CEP63: variants seen among roughly 807,000 people sequenced by gnomAD.
CEP63 encodes the protein centrosomal protein 63, also known as centrosomal protein of 63 kDa.
A neutral mutation model predicts 89.1 loss-of-function variants in CEP63; 84 were observed. The observed-to-expected ratio is 0.94, with a 90% CI of 0.79 to 1.13. The LOEUF is 1.13. Ranked by LOEUF, CEP63 falls within the 50% of genes most tolerant of loss-of-function variation. The probability of loss-of-function intolerance (pLI) is 0.00; values close to 1 mark genes in which losing one functional copy is unlikely to be tolerated. For missense variants in CEP63, 838 were observed against 813.3 expected, an observed-to-expected ratio of 1.03 and a Z score of -0.37; for synonymous variants, 267 against 272.5, an observed-to-expected ratio of 0.98 and a Z score of 0.20.
chr3:134,507,083 T>C, intron 2 of CEP63, 26 bp from the exon 3 acceptor site: 1 of 1,603,218 alleles, frequency 6.2e-7, no homozygotes, highest in Non-Finnish European at 8.5e-7. Flanking sequence ...TCTTCTGTTT[T>C]TTTAATGATC....
the CEP63 span, among the ~76,000 whole-genome samples, chr3:134,768,786 A>G: frequency 0.013 from 1,999 of 152,304 alleles, 48 homozygotes; most frequent in African/African-American, 0.044. Flanking sequence ...TGAAGATGCA[A>G]TTAAGATTGC....
intron 10 of CEP63, 26 bp from the exon 11 acceptor site, chr3:134,550,037 G>A: frequency 3.2e-6 from 5 of 1,550,728 alleles, no homozygotes; most frequent in Non-Finnish European, 4.5e-6. Flanking sequence ...TTAACTTTTG[G>A]TGCTTTCTTT....
At chr3:134,601,204 A>AT in the CEP63 span, 1 of 151,834 alleles carries the variant, frequency 6.6e-6, no homozygotes, top group Non-Finnish European at 1.5e-5. Flanking sequence ...AATGCAGGTG[A>AT]TTTTCTGACT....
At chr3:134,745,499 C>T in the CEP63 span, among the ~76,000 whole-genome samples, 1 of 152,156 alleles carries the variant, frequency 6.6e-6, no homozygotes, top group Non-Finnish European at 1.5e-5. Flanking sequence ...CAACAAACAT[C>T]TTTGAGAATG....
chr3:134,646,170 A>C, the CEP63 span, among the ~76,000 whole-genome samples: 1 of 152,162 alleles, frequency 6.6e-6, no homozygotes, highest in East Asian at 1.9e-4. Flanking sequence ...ATTCTTATTA[A>C]AATTCTCAAT....
downstream of CEP63, among the ~76,000 whole-genome samples, chr3:134,567,105 T>C (rs1450325343): frequency 2.0e-5 from 3 of 149,708 alleles, no homozygotes; most frequent in Non-Finnish European, 4.4e-5. Context: ...TGAAGTATTA[T>C]ACTACTGATG....
chr3:134,638,555 G>T, the CEP63 span, among the ~76,000 whole-genome samples: 1 of 152,166 alleles, frequency 6.6e-6, no homozygotes, highest in East Asian at 1.9e-4. Context: ...AGCTTTGACC[G>T]TCTTAGTTAA....
At chr3:134,583,618 C>T (rs1163442519) in intron 10 of CEP63, among the ~76,000 whole-genome samples, 1 of 152,130 alleles carries the variant, frequency 6.6e-6, no homozygotes, top group Non-Finnish European at 1.5e-5. Context: ...TAGAGTGATA[C>T]CTCCAGCTTT....
the CEP63 span, among the ~76,000 whole-genome samples, chr3:134,725,131 T>A: frequency 6.6e-6 from 1 of 152,156 alleles, no homozygotes. Flanking sequence ...GGCAATGAAA[T>A]TTTTTTAAAA....
Position 134,498,575 on chromosome 3 carries a change from A to G in CEP63, c.44+3211A>G, listed in dbSNP as rs376295051. ...TTTTTCTTGCCTGATTGCTCTGACT[A>G]GGACTTTCAGTTATGTGTTGAATGG... On this transcript the variant is annotated intron_variant, in intron 2 of 14. Coordinates refer to ENST00000675561, the MANE Select transcript of CEP63 (RefSeq NM_001353108.3). 2.4e-4 allele frequency among the ~76,000 whole-genome samples: 36 copies of G among 152,220 alleles called. 1 individual carries two copies. The highest frequency in any genetic ancestry group is 8.7e-4 in the African/African-American group (36 of 41,526).
intron 11 of CEP63, among the ~76,000 whole-genome samples, chr3:134,570,672 T>C (rs576947567): frequency 3.9e-5 from 6 of 152,350 alleles, no homozygotes; most frequent in African/African-American, 1.2e-4. Context: ...TTCCAACCTC[T>C]GCCTGCTACC....
At chr3:134,485,991 G>GCGCCC, upstream of CEP63, 2 of 938,158 alleles carry the variant, frequency 2.1e-6, no homozygotes, top group African/African-American at 1.9e-5. Context: ...CTCCTGCCAC[G>GCGCCC]CCCCCCCCCC....
At chr3:134,604,356 C>T in the CEP63 span, 1 of 1,614,028 alleles carries the variant, frequency 6.2e-7, no homozygotes, top group East Asian at 2.2e-5. Context: ...GAGGGTACAC[C>T]TCCAACTTCA....
intron 3 of CEP63, among the ~76,000 whole-genome samples, chr3:134,514,923 T>A (rs1945879560): frequency 6.6e-6 from 1 of 152,218 alleles, no homozygotes; most frequent in Non-Finnish European, 1.5e-5. Flanking sequence ...TTTGCTATGT[T>A]GCCCAGGCTG....
At chr3:134,664,751 G>C in the CEP63 span, among the ~76,000 whole-genome samples, 1 of 127,856 alleles carries the variant, frequency 7.8e-6, no homozygotes, top group African/African-American at 2.8e-5. Context: ...TGGAATGTTG[G>C]AAGAGTCTTT....
chr3:134,578,453 C>G (rs1958269698), downstream of CEP63, among the ~76,000 whole-genome samples: 1 of 151,732 alleles, frequency 6.6e-6, no homozygotes. Context: ...GCCTCAGCCT[C>G]TTGAGTAGCT....
chr3:134,775,806 C>T, the CEP63 span, among the ~76,000 whole-genome samples: 3 of 152,160 alleles, frequency 2.0e-5, no homozygotes, highest in African/African-American at 4.8e-5. Context: ...TAGACAGTGA[C>T]GCTTCTCTCT....
intron 1 of CEP63, among the ~76,000 whole-genome samples, chr3:134,489,076 G>A (rs1199189140): frequency 1.3e-5 from 2 of 150,352 alleles, no homozygotes; most frequent in African/African-American, 2.5e-5. Flanking sequence ...AAGGAGAATC[G>A]CTTGAACCCG....
At chr3:134,664,390 G>A in the CEP63 span, among the ~76,000 whole-genome samples, 1 of 152,208 alleles carries the variant, frequency 6.6e-6, no homozygotes. Context: ...CTCACAAGCA[G>A]CACCAGCCCA....
Sources: allele counts gnomAD v4.1 joint callset (sites outside exome capture counted in the v4.1 genomes callset), GRCh38; gene constraint gnomAD v4.1.1; transcripts MANE v1.5; gene names NCBI Gene and HGNC (gene_info 2026-07-23, HGNC 2026-07-21).